GRIK3: variants seen among roughly 807,000 people sequenced by gnomAD.
The protein encoded by GRIK3 is glutamate receptor ionotropic, kainate 3.
Under a neutral mutation model 102.5 loss-of-function variants are expected in GRIK3, and 29 were observed. The observed-to-expected ratio is 0.28, with a 90% CI of 0.21 to 0.39. GRIK3 has a LOEUF of 0.39. Ranked by LOEUF, GRIK3 falls within the 10% of genes least tolerant of loss-of-function variation. The probability of loss-of-function intolerance (pLI) is 1.00; values close to 1 mark genes in which losing one functional copy is unlikely to be tolerated. For missense variants in GRIK3, 908 were observed against 1,252.4 expected, an observed-to-expected ratio of 0.73 and a Z score of 4.15; for synonymous variants, 511 against 504.9, an observed-to-expected ratio of 1.01 and a Z score of -0.16.
At chr1:37,032,912 G>T (rs1052108818) in intron 1 of GRIK3, among the ~76,000 whole-genome samples, 1 of 152,200 alleles carries the variant, frequency 6.6e-6, no homozygotes, top group Non-Finnish European at 1.5e-5. Context: ...CCCAAGGTCC[G>T]CCCTGAAGAA....
intron 1 of GRIK3, among the ~76,000 whole-genome samples, chr1:36,950,822 T>G (rs983354730): frequency 1.3e-5 from 2 of 152,178 alleles, no homozygotes; most frequent in Non-Finnish European, 2.9e-5. Context: ...ATCTCGTGAG[T>G]GATCACATGC....
chr1:36,866,588 C>T (rs1205353443), intron 5 of GRIK3, among the ~76,000 whole-genome samples: 5 of 152,196 alleles, frequency 3.3e-5, no homozygotes, highest in African/African-American at 9.7e-5. Context: ...GTAATAAGTG[C>T]CAAGCATTGT....
At chr1:36,897,292 A>G (rs969704583) in intron 1 of GRIK3, among the ~76,000 whole-genome samples, 4 of 152,324 alleles carry the variant, frequency 2.6e-5, no homozygotes, top group African/African-American at 9.6e-5. Context: ...AAATTTGGCA[A>G]AGTAACAGAA....
intron 1 of GRIK3, among the ~76,000 whole-genome samples, chr1:37,029,256 C>T (rs1642795479): frequency 6.6e-6 from 1 of 152,256 alleles, no homozygotes; most frequent in Admixed American, 6.5e-5. Context: ...AGCCCTACCA[C>T]ACTGGCCTCT....
At chr1:36,870,581 C>T (rs958192804) in intron 4 of GRIK3, among the ~76,000 whole-genome samples, 1 of 152,348 alleles carries the variant, frequency 6.6e-6, no homozygotes, top group Middle Eastern at 3.4e-3. Context: ...CAGCCCACCT[C>T]AGCACGTTAA....
At chr1:37,003,764 C>A (rs1480551463) in intron 1 of GRIK3, among the ~76,000 whole-genome samples, 1 of 152,184 alleles carries the variant, frequency 6.6e-6, no homozygotes, top group Non-Finnish European at 1.5e-5. Flanking sequence ...GCTGTCCTTC[C>A]TCTCTGCTGT....
At position 36,917,471 on chromosome 1, in the gene GRIK3, T is replaced by C. The variant is rs181370717; in HGVS notation, c.116-26375A>G. Among the ~76,000 whole-genome samples, 710 of 152,260 alleles carry C rather than the reference T, an allele frequency of 4.7e-3. 10 individuals carry two copies. The highest frequency in any genetic ancestry group is 0.016 in the African/African-American group (668 of 41,538). ...ATGATATGGTTTGGCTGTGTCCCCA[T>C]CCAAATCTCATCTTGAATTCCCACG... On this transcript the variant is annotated intron_variant, in intron 1 of 15. Coordinates refer to ENST00000373091, the MANE Select transcript of GRIK3 (RefSeq NM_000831.4).
chr1:36,907,525 G>A (rs1052234020), intron 1 of GRIK3, among the ~76,000 whole-genome samples: 14 of 152,120 alleles, frequency 9.2e-5, no homozygotes, highest in African/African-American at 3.1e-4. Flanking sequence ...GGAGGAAGGC[G>A]ACAGAAGATG....
chr1:36,862,885 C>A (rs550398549), intron 5 of GRIK3, among the ~76,000 whole-genome samples: 1 of 152,186 alleles, frequency 6.6e-6, no homozygotes, highest in Non-Finnish European at 1.5e-5. Flanking sequence ...TGTTCTGCCT[C>A]GTCTGGCAGG....
intron 1 of GRIK3, among the ~76,000 whole-genome samples, chr1:36,907,389 AG>A (rs1388800808): frequency 1.3e-5 from 2 of 152,160 alleles, no homozygotes; most frequent in South Asian, 2.1e-4. Flanking sequence ...CCACAGCAGG[AG>A]GGGGCCATGC....
intron 7 of GRIK3, among the ~76,000 whole-genome samples, chr1:36,858,889 C>G (rs552823180): frequency 1.2e-4 from 18 of 152,364 alleles, no homozygotes; most frequent in Non-Finnish European, 1.8e-4. Flanking sequence ...CTGCTGAGCA[C>G]TTACCACATG....
At position 36,825,789 on chromosome 1, in the gene GRIK3, T is replaced by C. The variant is rs896654101; in HGVS notation, c.1568A>G (p.His523Arg). ...GAAGTCGATGGCCTTCTCTCGAACA[T>C]GGGTGATGGTCAGGGGGGCCACGGC... ...DLAVAPLTIT[H>R]VREKAIDFSK... The change falls in exon 11 of 16, where the codon CAT becomes CGT. Residue 523 changes from histidine (H) to arginine (R), a missense_variant. Coordinates refer to ENST00000373091, the MANE Select transcript of GRIK3 (RefSeq NM_000831.4). 6.2e-7 allele frequency: 1 copy of C among 1,613,370 alleles called. No homozygotes were observed. The highest frequency in any genetic ancestry group is 8.5e-7 in the Non-Finnish European group (1 of 1,179,678).
rs1642358318 is a variant in GRIK3 at position 36,795,816 on chromosome 1, G to A, written c.*6035C>T. 6.6e-6 allele frequency: 1 copy of A among 152,212 alleles called. No individual in the cohort carries two copies. The highest frequency in any genetic ancestry group is 1.5e-5 in the Non-Finnish European group (1 of 68,062). The allele number at this position is 152,212 out of a possible 1,614,324, so 9.4% of individuals were successfully genotyped here. ...GTGGGAACCATGTTGAGTGGGAGTGGGGGGCGTCCAGGCACTCTGGTCTGG... is the reference window on the plus strand; with the variant it reads ...GTGGGAACCATGTTGAGTGGGAGTGAGGGGCGTCCAGGCACTCTGGTCTGG... On this transcript the variant is annotated 3_prime_UTR_variant, in exon 16 of 16. Transcript: ENST00000373091.
intron 1 of GRIK3, among the ~76,000 whole-genome samples, chr1:37,022,619 A>G (rs1642726617): frequency 6.6e-6 from 1 of 152,254 alleles, no homozygotes; most frequent in Non-Finnish European, 1.5e-5. Context: ...GAAGACCACC[A>G]TAGACAGCAT....
At chr1:36,915,999 T>C (rs1458389010) in intron 1 of GRIK3, among the ~76,000 whole-genome samples, 3 of 152,180 alleles carry the variant, frequency 2.0e-5, no homozygotes, top group African/African-American at 7.2e-5. Flanking sequence ...CAGGAAAATG[T>C]GGGAAGTTTG....
intron 1 of GRIK3, among the ~76,000 whole-genome samples, chr1:36,945,560 G>A (rs560504868): frequency 2.0e-5 from 3 of 152,342 alleles, no homozygotes; most frequent in South Asian, 4.1e-4. Flanking sequence ...AAAGACACCG[G>A]AGATGTACAA....
intron 13 of GRIK3, 30 bp downstream of exon 13, chr1:36,817,030 G>T (rs780052131): frequency 1.4e-6 from 2 of 1,472,994 alleles, no homozygotes; most frequent in Non-Finnish European, 1.9e-6. Context: ...ATCAGCTCAC[G>T]GTGCTGCAAT....
intron 1 of GRIK3, among the ~76,000 whole-genome samples, chr1:36,943,267 A>C (rs1209793092): frequency 6.6e-6 from 1 of 152,172 alleles, no homozygotes; most frequent in African/African-American, 2.4e-5. Flanking sequence ...CATGAAAAGA[A>C]GCATGTGGCT....
At chr1:36,987,822 G>C (rs1174824246) in intron 1 of GRIK3, among the ~76,000 whole-genome samples, 1 of 152,138 alleles carries the variant, frequency 6.6e-6, no homozygotes, top group African/African-American at 2.4e-5. Flanking sequence ...TTAAGTTCCA[G>C]ACACTCAAAA....
Sources: gnomAD v4.1 joint callset for allele counts (sites outside exome capture counted in the v4.1 genomes callset) on GRCh38, gnomAD v4.1.1 for gene constraint, MANE v1.5 for transcripts, NCBI Gene and HGNC (gene_info 2026-07-23, HGNC 2026-07-21) for gene names.